The following AKAP6 variants were observed in gnomAD, a reference collection of about 807,000 sequenced individuals.
The protein encoded by AKAP6 is A-kinase anchor protein 6.
A neutral mutation model predicts 188.5 loss-of-function variants in AKAP6; 58 were observed. The observed-to-expected ratio is 0.31, with a 90% CI of 0.25 to 0.38. The LOEUF (loss-of-function observed/expected upper bound fraction) is 0.38. Ranked by LOEUF, AKAP6 falls within the 10% of genes least tolerant of loss-of-function variation. The pLI is 1.00. For missense variants in AKAP6, 2,710 were observed against 2,740.0 expected (o/e 0.99, Z 0.24); for synonymous variants, 989 against 998.6 (o/e 0.99, Z 0.18).
At chr14:32,659,501 C>T (rs987311175) in intron 7 of AKAP6, among the ~76,000 whole-genome samples, 9 of 151,970 alleles carry the variant, frequency 5.9e-5, no homozygotes, top group Non-Finnish European at 1.3e-4. Flanking sequence ...GGAGTCATCA[C>T]GTGGTGACAG....
intron 1 of AKAP6, among the ~76,000 whole-genome samples, chr14:32,429,411 A>C (rs1384784487): frequency 1.3e-5 from 2 of 152,234 alleles, no homozygotes. Flanking sequence ...GACTGTTACT[A>C]TACGTTTCTA....
chr14:32,657,152 T>C (rs558714457), intron 7 of AKAP6, among the ~76,000 whole-genome samples: 57 of 152,244 alleles, frequency 3.7e-4, no homozygotes, highest in Middle Eastern at 6.8e-3. Context: ...GAGCCCTGGC[T>C]CTGATTTGAC....
intron 12 of AKAP6, among the ~76,000 whole-genome samples, chr14:32,804,555 G>A (rs968670581): frequency 6.6e-6 from 1 of 152,140 alleles, no homozygotes; most frequent in Non-Finnish European, 1.5e-5. Context: ...CAGGACAAAA[G>A]GCAAAACAGA....
intron 4 of AKAP6, among the ~76,000 whole-genome samples, chr14:32,566,215 T>C (rs1279878649): frequency 6.6e-6 from 1 of 152,184 alleles, no homozygotes; most frequent in Non-Finnish European, 1.5e-5. Flanking sequence ...AATGCAGAAG[T>C]AGAAATAGAA....
At chr14:32,722,547 G>A (rs1218110230) in intron 9 of AKAP6, among the ~76,000 whole-genome samples, 4 of 151,964 alleles carry the variant, frequency 2.6e-5, no homozygotes, top group South Asian at 2.1e-4. Context: ...GGCCCACCAC[G>A]CCCCCTACCC....
chr14:32,355,239 T>C (rs1887439598), intron 1 of AKAP6, among the ~76,000 whole-genome samples: 1 of 147,948 alleles, frequency 6.8e-6, no homozygotes, highest in Non-Finnish European at 1.5e-5. Context: ...ACTTACATAA[T>C]TTATTTTCTT....
At chr14:32,356,402 C>G (rs559392169) in intron 1 of AKAP6, among the ~76,000 whole-genome samples, 1 of 152,218 alleles carries the variant, frequency 6.6e-6, no homozygotes, top group South Asian at 2.1e-4. Flanking sequence ...GGCATCTCCC[C>G]CTCTACACGT....
intron 2 of AKAP6, among the ~76,000 whole-genome samples, chr14:32,434,756 A>G (rs375094762): frequency 1.3e-5 from 2 of 152,246 alleles, no homozygotes; most frequent in East Asian, 3.9e-4. Flanking sequence ...TGAGTGGGAA[A>G]GATGAGCACT....
At chr14:32,696,755 G>A (rs917999655) in intron 9 of AKAP6, among the ~76,000 whole-genome samples, 1 of 151,408 alleles carries the variant, frequency 6.6e-6, no homozygotes, top group South Asian at 2.1e-4. Flanking sequence ...TACTTAAATA[G>A]TCTTAGCAGT....
At chr14:32,433,350 A>C (rs1890279274) in intron 1 of AKAP6, 110 bp from the exon 2 acceptor site, 1 of 778,038 alleles carries the variant, frequency 1.3e-6, no homozygotes, top group East Asian at 2.7e-5. Context: ...ATGGTTTCTT[A>C]ATTTAGAAAT....
intron 2 of AKAP6, among the ~76,000 whole-genome samples, chr14:32,438,509 A>G (rs184824560): frequency 1.6e-3 from 250 of 152,342 alleles, no homozygotes; most frequent in South Asian, 2.9e-3. Flanking sequence ...TACCTCCAGA[A>G]TGAACTACAG....
chr14:32,789,199 T>C (rs1432272722), intron 12 of AKAP6, among the ~76,000 whole-genome samples: 1 of 152,042 alleles, frequency 6.6e-6, no homozygotes, highest in East Asian at 1.9e-4. Context: ...CCAGCAAGGG[T>C]TCTGCAGACA....
At chr14:32,561,536 C>A (rs985481048) in intron 4 of AKAP6, among the ~76,000 whole-genome samples, 15 of 152,164 alleles carry the variant, frequency 9.9e-5, no homozygotes, top group Admixed American at 9.8e-4. Flanking sequence ...TTCAACATGG[C>A]TGACTTTGTG....
At chr14:32,492,320 T>C (rs1257267238) in intron 2 of AKAP6, among the ~76,000 whole-genome samples, 2 of 112,008 alleles carry the variant, frequency 1.8e-5, no homozygotes, top group Non-Finnish European at 3.9e-5. Context: ...ATCACTGTGC[T>C]TCTCAAACTA....
intron 1 of AKAP6, among the ~76,000 whole-genome samples, chr14:32,397,090 G>C (rs530167445): frequency 6.6e-6 from 1 of 152,284 alleles, no homozygotes; most frequent in African/African-American, 2.4e-5. Flanking sequence ...CTCAGTCCCA[G>C]AGCTTCCAAT....
chr14:32,481,667 C>T (rs1879349120), intron 2 of AKAP6, among the ~76,000 whole-genome samples: 1 of 152,162 alleles, frequency 6.6e-6, no homozygotes, highest in African/African-American at 2.4e-5. Flanking sequence ...GGGTCCCTCC[C>T]ATGACATGTG....
intron 2 of AKAP6, among the ~76,000 whole-genome samples, chr14:32,486,954 C>T (rs1337177995): frequency 3.3e-5 from 5 of 152,230 alleles, no homozygotes; most frequent in East Asian, 1.9e-4. Context: ...GCTGTGGGTT[C>T]ATCATAAATA....
At chr14:32,340,811 G>C (rs74609145) in intron 1 of AKAP6, among the ~76,000 whole-genome samples, 1,902 of 152,238 alleles carry the variant, frequency 0.012, 29 homozygotes, top group Middle Eastern at 0.034. Flanking sequence ...GTTCACAGCT[G>C]GTACCTTCTA....
intron 5 of AKAP6, among the ~76,000 whole-genome samples, chr14:32,581,330 C>T (rs1884958223): frequency 6.6e-6 from 1 of 152,106 alleles, no homozygotes; most frequent in Non-Finnish European, 1.5e-5. Flanking sequence ...ATCCTGAGTT[C>T]TAGTTTGATT....
Sources: gnomAD v4.1 joint callset for allele counts (sites outside exome capture counted in the v4.1 genomes callset) on GRCh38, gnomAD v4.1.1 for gene constraint, MANE v1.5 for transcripts, NCBI Gene and HGNC (gene_info 2026-07-23, HGNC 2026-07-21) for gene names.